TRIM44: variants seen among roughly 807,000 people sequenced by gnomAD.
TRIM44 encodes the protein tripartite motif containing 44, also known as tripartite motif-containing protein 44.
A neutral mutation model predicts 37.4 loss-of-function variants in TRIM44; 13 were observed. The observed-to-expected ratio is 0.35, with a 90% CI of 0.23 to 0.55. The LOEUF (loss-of-function observed/expected upper bound fraction) is 0.55. TRIM44 is among the 20% of genes least tolerant of loss of function. The pLI, the probability that TRIM44 is intolerant of heterozygous loss-of-function variation, is 0.89. For missense variants in TRIM44, 426 were observed against 437.2 expected (o/e 0.97, Z 0.23); for synonymous variants, 175 against 157.2 (o/e 1.11, Z -0.85).
chr11:35,714,214 A>C (rs1440065826), intron 2 of TRIM44, among the ~76,000 whole-genome samples: 2 of 152,142 alleles, frequency 1.3e-5, no homozygotes, highest in African/African-American at 4.8e-5. Flanking sequence ...ATAAAAGTTC[A>C]CAGTTACTAT....
intron 2 of TRIM44, among the ~76,000 whole-genome samples, chr11:35,689,194 A>G (rs528731424): frequency 8.5e-5 from 13 of 152,296 alleles, no homozygotes; most frequent in African/African-American, 3.1e-4. Context: ...GCTCCCTGCC[A>G]TGGTTGAGGT....
Position 35,692,922 on chromosome 11 carries a change from C to CA in TRIM44, c.747+7599dup, listed in dbSNP as rs777241555. ...TGGGCGACAGAGCAAGATTCCGTCT[C>CA]AAAAAAAAAAAAAGAAAAAGAAAAA... On this transcript the variant is annotated intron_variant, in intron 2 of 4. Coordinates refer to ENST00000299413, the MANE Select transcript of TRIM44 (RefSeq NM_017583.6). 6.7e-3 allele frequency among the ~76,000 whole-genome samples: 783 copies of CA among 116,658 alleles called. 3 individuals carry two copies. The highest frequency in any genetic ancestry group is 9.9e-3 in the African/African-American group (311 of 31,480). The allele number at this position is 116,658 out of a possible 152,430, so 76.5% of individuals were successfully genotyped here. A position where few individuals can be genotyped will look rare whatever the true frequency, so the allele number is the denominator to read the frequency against.
chr11:35,762,692 C>G (rs1232875324), intron 4 of TRIM44, among the ~76,000 whole-genome samples: 1 of 152,144 alleles, frequency 6.6e-6, no homozygotes, highest in East Asian at 1.9e-4. Flanking sequence ...CAGTTGTAAG[C>G]ATTCTCAGAA....
At position 35,750,851 on chromosome 11, in the gene TRIM44, CAG is replaced by C. The variant is rs778019681; in HGVS notation, c.1007+15407_1007+15408del. ...GTACCGCAATTAAAAGTGTAGCTAT[CAG>C]GGGTATAGAAAATGAAGGTAATACA... On this transcript the variant is annotated intron_variant, in intron 4 of 4. Transcript: ENST00000299413. 7.2e-5 allele frequency among the ~76,000 whole-genome samples: 11 copies of C among 151,936 alleles called. No homozygotes were observed. The East Asian group carries it at 7.7e-4, about 11-fold the overall frequency.
rs923223146 is a variant in TRIM44 at position 35,706,514 on chromosome 11, TA to T, written c.748-19406del. 7.0e-4 allele frequency among the ~76,000 whole-genome samples: 106 copies of T among 152,234 alleles called. 2 individuals carry two copies. The highest frequency in any genetic ancestry group is 3.5e-3 in the Admixed American group (53 of 15,288). On this transcript the variant is annotated intron_variant, in intron 2 of 4. Coordinates refer to ENST00000299413, the MANE Select transcript of TRIM44 (RefSeq NM_017583.6). ...TGAACATCGATGCAAAAATCCTCAATAAAATACTGGCAAACCGAATCCAGCA... is the reference window on the plus strand; with the variant it reads ...TGAACATCGATGCAAAAATCCTCAATAAATACTGGCAAACCGAATCCAGCA...
At chr11:35,732,371 AT>A (rs1259811032) in intron 3 of TRIM44, among the ~76,000 whole-genome samples, 1 of 152,200 alleles carries the variant, frequency 6.6e-6, no homozygotes, top group Non-Finnish European at 1.5e-5. Context: ...CTAACAAGTC[AT>A]TTAAATGGAA....
Position 35,815,323 on chromosome 11 carries a change from A to G in TRIM44, c.*8938A>G, listed in dbSNP as rs544846051. The G allele has an allele frequency of 6.6e-6, 1 of 152,226 alleles. No individual in the cohort carries two copies. 9.4% of individuals were successfully genotyped at this position (152,226 alleles called of 1,614,324 possible). ...CTCCACACATTATGAGACCTTTTAG[A>G]CCCAGTTGGATGGCTGTATCCTAGT... On this transcript the variant is annotated 3_prime_UTR_variant, in exon 5 of 5. Transcript: ENST00000299413.
rs775258136 is a variant in TRIM44, at chr11:35,815,959, A to C, written c.*9574A>C. On this transcript the variant is annotated 3_prime_UTR_variant, in exon 5 of 5. Coordinates refer to ENST00000299413, the MANE Select transcript of TRIM44 (RefSeq NM_017583.6). ...TAATAATCACTGAAACAGCCTCATG[A>C]GGACATGCAAAACTGCTGTCTATCT... 10 of 152,212 alleles carry C rather than the reference A, an allele frequency of 6.6e-5. No individual in the cohort carries two copies. The highest frequency in any genetic ancestry group is 1.3e-4 in the Non-Finnish European group (9 of 68,030). 9.4% of individuals were successfully genotyped at this position (152,212 alleles called of 1,614,324 possible).
At chr11:35,697,652 G>A (rs1851722389) in intron 2 of TRIM44, among the ~76,000 whole-genome samples, 1 of 151,232 alleles carries the variant, frequency 6.6e-6, no homozygotes, top group Non-Finnish European at 1.5e-5. Context: ...CCCTTCCTGT[G>A]TCCATGTGTT....
At chr11:35,732,743 T>C (rs933290443) in intron 3 of TRIM44, among the ~76,000 whole-genome samples, 1 of 152,310 alleles carries the variant, frequency 6.6e-6, no homozygotes, top group Non-Finnish European at 1.5e-5. Flanking sequence ...AGGAATTAGC[T>C]AGGTTTTTAG....
intron 4 of TRIM44, among the ~76,000 whole-genome samples, chr11:35,741,377 T>C (rs530325819): frequency 1.3e-5 from 2 of 152,316 alleles, no homozygotes; most frequent in South Asian, 4.1e-4. Flanking sequence ...GCTAAAATAA[T>C]TGATTCAGAA....
intron 4 of TRIM44, among the ~76,000 whole-genome samples, chr11:35,757,067 T>A (rs1852653914): frequency 6.6e-6 from 1 of 152,230 alleles, no homozygotes; most frequent in South Asian, 2.1e-4. Context: ...ATTGGAATAG[T>A]TTCAGAAGGA....
intron 2 of TRIM44, among the ~76,000 whole-genome samples, chr11:35,722,413 A>G (rs767818542): frequency 8.5e-5 from 13 of 152,368 alleles, no homozygotes; most frequent in Non-Finnish European, 1.0e-4. Flanking sequence ...GTGAAATGAA[A>G]GCAAGTTTAT....
chr11:35,766,568 A>T (rs900816516), intron 4 of TRIM44, among the ~76,000 whole-genome samples: 1 of 152,218 alleles, frequency 6.6e-6, no homozygotes, highest in African/African-American at 2.4e-5. Context: ...TCCAAAACAA[A>T]TTCTACTTCT....
At chr11:35,700,750 A>G (rs1420096599) in intron 2 of TRIM44, among the ~76,000 whole-genome samples, 2 of 152,208 alleles carry the variant, frequency 1.3e-5, no homozygotes, top group Non-Finnish European at 2.9e-5. Context: ...GGGCGTGGCT[A>G]ATTCCATATG....
At chr11:35,676,394 G>A (rs951455143) in intron 1 of TRIM44, among the ~76,000 whole-genome samples, 8 of 152,148 alleles carry the variant, frequency 5.3e-5, no homozygotes, top group African/African-American at 1.9e-4. Flanking sequence ...CTCTCCTTCT[G>A]TTCCTTCTGC....
intron 2 of TRIM44, among the ~76,000 whole-genome samples, chr11:35,703,602 A>G (rs2135502489): frequency 6.6e-6 from 1 of 152,330 alleles, no homozygotes; most frequent in Non-Finnish European, 1.5e-5. Context: ...TTCGCGGTTC[A>G]CAAAAATCCG....
chr11:35,767,707 G>A (rs979532126), intron 4 of TRIM44, among the ~76,000 whole-genome samples: 6 of 152,090 alleles, frequency 3.9e-5, no homozygotes, highest in Non-Finnish European at 7.4e-5. Flanking sequence ...ATACAGACAC[G>A]AATTCAAAAA....
At chr11:35,668,118 A>G (rs1297732560) in intron 1 of TRIM44, among the ~76,000 whole-genome samples, 2 of 152,102 alleles carry the variant, frequency 1.3e-5, no homozygotes, top group Non-Finnish European at 2.9e-5. Context: ...GTGAAGGGGG[A>G]AGGGAGAGTT....
Sources: gnomAD v4.1 joint callset for allele counts (sites outside exome capture counted in the v4.1 genomes callset) on GRCh38, gnomAD v4.1.1 for gene constraint, MANE v1.5 for transcripts, NCBI Gene and HGNC (gene_info 2026-07-23, HGNC 2026-07-21) for gene names.